Variants in ZW10 observed in about 807,000 individuals in gnomAD.
The protein encoded by ZW10 is zw10 kinetochore protein.
In ZW10, 53 loss-of-function variants were observed where a neutral mutation model predicts 87.8. The observed-to-expected ratio is 0.60, with a 90% CI of 0.48 to 0.76. The LOEUF (loss-of-function observed/expected upper bound fraction) is 0.76, where lower values mean the gene tolerates loss of function less well. Among genes scored for constraint, ZW10 ranks in the 30% least tolerant of loss-of-function variants. The pLI is 0.00. For synonymous variants in ZW10, 312 were observed against 329.2 expected (o/e 0.95, Z 0.57); for missense variants, 837 against 923.0 (o/e 0.91, Z 1.21).
intron 14 of ZW10, 130 bp downstream of exon 14, chr11:113,737,442 G>GA (rs3835162): frequency 0.14 from 107,982 of 791,370 alleles, 11 homozygotes; most frequent in Non-Finnish European, 0.15. Flanking sequence ...AAACAAAACT[G>GA]AAAAAAAAAA....
At chr11:113,769,303 T>C (rs532374934) in intron 1 of ZW10, among the ~76,000 whole-genome samples, 1 of 150,178 alleles carries the variant, frequency 6.7e-6, no homozygotes, top group South Asian at 2.1e-4. Context: ...CCAAGACTTG[T>C]ACAAATGCTG....
intron 1 of ZW10, chr11:113,769,945 G>A (rs931767858): frequency 1.1e-5 from 3 of 266,650 alleles, no homozygotes; most frequent in Admixed American, 6.2e-5. Flanking sequence ...GCTGACTGTG[G>A]GTGGGATACT....
chr11:113,758,430 T>C, intron 6 of ZW10, 124 bp downstream of exon 6: 3 of 785,090 alleles, frequency 3.8e-6, no homozygotes, highest in Non-Finnish European at 5.5e-6. Flanking sequence ...TTCTCTTTGA[T>C]GAATCAAGAG....
intron 7 of ZW10, among the ~76,000 whole-genome samples, chr11:113,750,742 AGT>A (rs1333217988): frequency 6.6e-6 from 1 of 152,206 alleles, no homozygotes; most frequent in Admixed American, 6.5e-5. Flanking sequence ...TCCAATAAAA[AGT>A]GTGATTTTAA....
At chr11:113,740,462 T>C (rs554492141) in intron 11 of ZW10, among the ~76,000 whole-genome samples, 2 of 152,082 alleles carry the variant, frequency 1.3e-5, no homozygotes, top group Non-Finnish European at 1.5e-5. Context: ...TGTGTGCCTG[T>C]GGTCCCAGCT....
intron 2 of ZW10, among the ~76,000 whole-genome samples, chr11:113,768,507 C>T (rs1198185110): frequency 1.3e-5 from 2 of 152,148 alleles, no homozygotes; most frequent in Admixed American, 6.5e-5. Flanking sequence ...TACAAATGCA[C>T]TCTGGGGATA....
At chr11:113,767,393 C>A (rs1159447992) in intron 2 of ZW10, among the ~76,000 whole-genome samples, 1 of 152,084 alleles carries the variant, frequency 6.6e-6, no homozygotes, top group African/African-American at 2.4e-5. Flanking sequence ...TGGAATGAAA[C>A]CATGAGCTAG....
At chr11:113,739,132 T>A (rs4351850) in intron 12 of ZW10, 81 bp downstream of exon 12, 987,903 of 1,488,598 alleles carry the variant, frequency 0.66, 331,761 homozygotes, top group African/African-American at 0.93. Flanking sequence ...ATTTCTAATT[T>A]TCTCATTCAA....
At chr11:113,750,406 C>T (rs892870492) in intron 7 of ZW10, among the ~76,000 whole-genome samples, 6 of 151,828 alleles carry the variant, frequency 4.0e-5, no homozygotes, top group African/African-American at 9.7e-5. Context: ...TGGGTTCAAG[C>T]GATTCTCCTT....
chr11:113,743,774 C>A (rs772588658), intron 10 of ZW10, 28 bp downstream of exon 10: 3 of 1,569,496 alleles, frequency 1.9e-6, no homozygotes, highest in Non-Finnish European at 2.6e-6. Flanking sequence ...CAAGTCATTG[C>A]CATTTTCACA....
In ZW10 at chr11:113,737,698, C is replaced by G. The variant is rs751717125; in HGVS notation, c.1890G>C (p.Leu630=). The change falls in exon 14 of 16, where the codon CTG becomes CTC. Residue 630 remains leucine (L), a synonymous_variant. Coordinates refer to ENST00000200135, the MANE Select transcript of ZW10 (RefSeq NM_004724.4). ...SAASKAVRQV[L]HQLKRLGIVW... The stretch of plus-strand genomic sequence containing the variant: ...CAATTCCAAGTCTCTTTAGTTGGTG[C>G]AGTACCTGTAGAAGAATACAGCTAT... 1 of 1,610,148 alleles carries G rather than the reference C, an allele frequency of 6.2e-7. No homozygotes were observed. Among genetic ancestry groups the G allele is most frequent in the African/African-American group, 1.3e-5 (1 of 74,970 alleles).
Position 113,760,330 on chromosome 11 carries a change from G to C in ZW10, c.459C>G (p.Cys153Trp). 4 of 1,613,868 alleles carry C rather than the reference G, an allele frequency of 2.5e-6. No individual in the cohort carries two copies. Among genetic ancestry groups the C allele is most frequent in the Non-Finnish European group, 3.4e-6 (4 of 1,179,958 alleles). ...GAGATTTCAATATTTTTAAATCAAA[G>C]CATTTTCTGGATTTTAATAACTTCA... ...KCLKLLKSRKCFDLKILKSLS... is the reference protein window; with the variant it reads ...KCLKLLKSRKWFDLKILKSLS... Residue 153 changes from cysteine to tryptophan, a missense_variant, in exon 5 of 16, where the codon TGC becomes TGG. Physicochemically the swap from Cys to Trp is radical, Grantham distance 215. Transcript: ENST00000200135.
chr11:113,739,518 T>A, intron 11 of ZW10, 136 bp from the exon 12 acceptor site: 1 of 731,444 alleles, frequency 1.4e-6, no homozygotes. Context: ...CATAACAAGA[T>A]ACAATCTCAT....
chr11:113,748,173 A>G (rs1158666199), intron 8 of ZW10, 84 bp downstream of exon 8: 1 of 1,325,074 alleles, frequency 7.5e-7, no homozygotes, highest in Non-Finnish European at 1.0e-6. Context: ...TAACTAAAGA[A>G]CAAACTATCT....
intron 14 of ZW10, 112 bp downstream of exon 14, chr11:113,737,460 A>G: frequency 9.0e-7 from 1 of 1,116,926 alleles, no homozygotes; most frequent in Admixed American, 2.5e-5. Context: ...AAAAAACAGC[A>G]TGAGTTAGAC....
intron 2 of ZW10, among the ~76,000 whole-genome samples, chr11:113,762,342 C>T (rs923836663): frequency 1.2e-4 from 19 of 152,136 alleles, no homozygotes; most frequent in African/African-American, 3.9e-4. Context: ...CTAGAAGTTG[C>T]TCTGGGTGAG....
chr11:113,760,673 C>T (rs1343954696), intron 3 of ZW10, 83 bp from the exon 4 acceptor site: 5 of 898,840 alleles, frequency 5.6e-6, no homozygotes, highest in Non-Finnish European at 6.7e-6. Context: ...CTCCCACTTT[C>T]CCTCCCCCTC....
intron 3 of ZW10, 91 bp downstream of exon 3, chr11:113,760,725 GA>G: frequency 7.4e-6 from 6 of 805,830 alleles, no homozygotes; most frequent in Non-Finnish European, 1.0e-5. Context: ...AAAATATGAA[GA>G]CAAAAAAACC....
intron 5 of ZW10, among the ~76,000 whole-genome samples, chr11:113,759,637 GCCAA>G: frequency 6.6e-6 from 1 of 152,150 alleles, no homozygotes; most frequent in South Asian, 2.1e-4. Flanking sequence ...AAGGCTGACA[GCCAA>G]GTAGCATAAA....
Sources: gnomAD v4.1 joint callset for allele counts (sites outside exome capture counted in the v4.1 genomes callset) on GRCh38, gnomAD v4.1.1 for gene constraint, MANE v1.5 for transcripts, NCBI Gene and HGNC (gene_info 2026-07-23, HGNC 2026-07-21) for gene names.